The following CCDC90B variants were observed in gnomAD, a reference collection of about 807,000 sequenced individuals.
The protein encoded by CCDC90B is coiled-coil domain containing 90B.
CCDC90B carries 24 observed loss-of-function variants against 37.0 expected under a neutral mutation model. That is an observed-to-expected ratio of 0.65 (90% confidence interval 0.47 to 0.91). The LOEUF is 0.91. Ranked by LOEUF, CCDC90B falls within the 40% of genes least tolerant of loss-of-function variation. CCDC90B has a pLI of 0.00. For synonymous variants in CCDC90B, 113 were observed against 101.1 expected (o/e 1.12, Z -0.71); for missense variants, 319 against 299.0 (o/e 1.07, Z -0.49).
At chr11:83,265,208 G>C (rs1012737801) in intron 8 of CCDC90B, among the ~76,000 whole-genome samples, 3 of 152,162 alleles carry the variant, frequency 2.0e-5, no homozygotes, top group Admixed American at 6.5e-5. Flanking sequence ...CTGTAATTGG[G>C]TCAGGTCAGA....
intron 1 of CCDC90B, among the ~76,000 whole-genome samples, chr11:83,282,657 C>T (rs1421768993): frequency 6.6e-6 from 1 of 152,226 alleles, no homozygotes; most frequent in Non-Finnish European, 1.5e-5. Flanking sequence ...TGCCTAGCCC[C>T]TGCCCTGTTC....
At chr11:83,264,533 T>C (rs906257194) in intron 8 of CCDC90B, among the ~76,000 whole-genome samples, 1 of 152,166 alleles carries the variant, frequency 6.6e-6, no homozygotes, top group Non-Finnish European at 1.5e-5. Context: ...CACTCTCTTC[T>C]GGCTTTGTAG....
rs140579518 is a variant in CCDC90B, at chr11:83,268,429, C to CAA, written c.595-2452_595-2451dup. On this transcript the variant is annotated intron_variant, in intron 7 of 8. Transcript: ENST00000529689. ...GAAGATGTACCAAGCAAATGGAAAG[C>CAA]AAAAAAAAAAAAAGCAGGGGTTGCA... Among the ~76,000 whole-genome samples, 759 of 144,412 alleles carry CAA rather than the reference C, an allele frequency of 5.3e-3. 7 individuals are homozygous for CAA. The highest frequency in any genetic ancestry group is 0.013 in the African/African-American group (503 of 39,126). 94.7% of individuals were successfully genotyped at this position (144,412 alleles called of 152,430 possible).
intron 8 of CCDC90B, among the ~76,000 whole-genome samples, chr11:83,265,264 A>T (rs1035018086): frequency 1.3e-5 from 2 of 152,102 alleles, no homozygotes; most frequent in South Asian, 4.1e-4. Context: ...TAATTTTGGG[A>T]TAGTGTCTAT....
chr11:83,278,658 G>C, intron 3 of CCDC90B, 68 bp downstream of exon 3: 1 of 1,047,690 alleles, frequency 9.5e-7, no homozygotes, highest in South Asian at 1.4e-5. Flanking sequence ...TCAGTAGGTA[G>C]ACAGAGACAT....
At chr11:83,272,019 A>G (rs183883507) in intron 7 of CCDC90B, among the ~76,000 whole-genome samples, 56 of 152,354 alleles carry the variant, frequency 3.7e-4, no homozygotes, top group Admixed American at 3.4e-3. Context: ...ACAAGGACAG[A>G]AAACCAAACA....
intron 8 of CCDC90B, among the ~76,000 whole-genome samples, chr11:83,265,128 C>T (rs1167328015): frequency 6.6e-6 from 1 of 152,108 alleles, no homozygotes; most frequent in Admixed American, 6.6e-5. Context: ...AAATACATTA[C>T]TTTTTATAAA....
At chr11:83,285,571 G>A (rs1170037802) in intron 1 of CCDC90B, 13 of 1,248,692 alleles carry the variant, frequency 1.0e-5, no homozygotes, top group Non-Finnish European at 1.2e-5. Flanking sequence ...GGCTCCTGAC[G>A]AGATTACTAG....
At chr11:83,275,661 A>G (rs1864981041) in intron 3 of CCDC90B, among the ~76,000 whole-genome samples, 1 of 152,212 alleles carries the variant, frequency 6.6e-6, no homozygotes, top group African/African-American at 2.4e-5. Context: ...GAAAAAGCAG[A>G]TGAGGTATAA....
Position 83,274,622 on chromosome 11 carries a change from A to G in CCDC90B, c.426+17T>C, listed in dbSNP as rs369752489. The G allele has an allele frequency of 2.0e-5, 29 of 1,486,348 alleles. No individual in the cohort carries two copies. Among genetic ancestry groups the G allele is most frequent in the African/African-American group, 4.2e-5 (3 of 71,216 alleles). 92.1% of individuals were successfully genotyped at this position (1,486,348 alleles called of 1,614,324 possible). On this transcript the variant is annotated intron_variant, in intron 4 of 8. Transcript: ENST00000529689. ...AGATCAGTTATTTTATAAGTAATAA[A>G]TTAAAATTTGTATCACCTCATTCTC...
chr11:83,281,345 A>G (rs931957467), intron 1 of CCDC90B, among the ~76,000 whole-genome samples: 1 of 152,222 alleles, frequency 6.6e-6, no homozygotes, highest in Non-Finnish European at 1.5e-5. Context: ...GGCATAGGGG[A>G]TAAAATCATA....
chr11:83,274,031 C>A, intron 4 of CCDC90B, 39 bp from the exon 5 acceptor site: 1 of 1,455,304 alleles, frequency 6.9e-7, no homozygotes, highest in Non-Finnish European at 9.1e-7. Context: ...AGCATTAAAC[C>A]AAGTCTATAT....
At chr11:83,278,378 A>G (rs1442593955) in intron 3 of CCDC90B, among the ~76,000 whole-genome samples, 1 of 152,246 alleles carries the variant, frequency 6.6e-6, no homozygotes, top group African/African-American at 2.4e-5. Context: ...AGCAGCAATA[A>G]AATATACTGA....
At position 83,265,899 on chromosome 11, in the gene CCDC90B, T is replaced by C. The variant is rs1468869047; in HGVS notation, c.675A>G (p.Glu225=). 1.2e-6 allele frequency: 2 copies of C among 1,610,084 alleles called. No individual in the cohort carries two copies. Among genetic ancestry groups the C allele is most frequent in the Non-Finnish European group, 1.7e-6 (2 of 1,177,824 alleles). ...AACGAATTGTCTCAAGTTTGTTAGA[T>C]TCCATCAGTGTTTTTAAGGAAGCAA... ...AEIASLKTLM[E]SNKLETIRYL... is the part of the protein sequence containing the mutation. Residue 225 remains glutamate, a synonymous_variant, in exon 8 of 9, where the codon GAA becomes GAG. Coordinates refer to ENST00000529689, the MANE Select transcript of CCDC90B (RefSeq NM_021825.5).
chr11:83,268,505 CAAAG>C (rs1454431447), intron 7 of CCDC90B, among the ~76,000 whole-genome samples: 8 of 150,496 alleles, frequency 5.3e-5, no homozygotes, highest in African/African-American at 1.7e-4. Context: ...TCAAAAGAGA[CAAAG>C]AAGGCCATTA....
chr11:83,270,329 G>T (rs760018526), intron 7 of CCDC90B, among the ~76,000 whole-genome samples: 2 of 151,972 alleles, frequency 1.3e-5, no homozygotes, highest in Admixed American at 6.6e-5. Context: ...AGAAATAAAG[G>T]GTATTCAATT....
At chr11:83,262,981 T>C (rs771159450) in intron 8 of CCDC90B, among the ~76,000 whole-genome samples, 9 of 152,164 alleles carry the variant, frequency 5.9e-5, no homozygotes, top group Admixed American at 2.0e-4. Flanking sequence ...AACCATGAGA[T>C]TGGTGGTATT....
chr11:83,279,126 A>G (rs2135659071), intron 2 of CCDC90B, among the ~76,000 whole-genome samples: 1 of 152,202 alleles, frequency 6.6e-6, no homozygotes, highest in African/African-American at 2.4e-5. Flanking sequence ...TACTAAATAT[A>G]CAAAAATAGC....
chr11:83,280,712 T>C (rs1467677423), intron 1 of CCDC90B, among the ~76,000 whole-genome samples: 1 of 152,254 alleles, frequency 6.6e-6, no homozygotes. Context: ...CCACAGTTTA[T>C]TTCCTACGTA....
Sources: gnomAD v4.1 joint callset for allele counts (sites outside exome capture counted in the v4.1 genomes callset) on GRCh38, gnomAD v4.1.1 for gene constraint, MANE v1.5 for transcripts, NCBI Gene and HGNC (gene_info 2026-07-23, HGNC 2026-07-21) for gene names.